FNBP1L: variants seen among roughly 807,000 people sequenced by gnomAD.
The protein encoded by FNBP1L is formin-binding protein 1-like.
A neutral mutation model predicts 91.2 loss-of-function variants in FNBP1L; 36 were observed. That is an observed-to-expected ratio of 0.39 (90% CI 0.30 to 0.52). The LOEUF (loss-of-function observed/expected upper bound fraction) is 0.52. Ranked by LOEUF, FNBP1L falls within the 20% of genes least tolerant of loss-of-function variation. The pLI is 0.66. For synonymous variants in FNBP1L, 242 were observed against 237.0 expected, an observed-to-expected ratio of 1.02 and a Z score of -0.19; for missense variants, 571 against 732.1, an observed-to-expected ratio of 0.78 and a Z score of 2.54.
chr1:93,512,424 A>C (rs1440208957), intron 2 of FNBP1L, among the ~76,000 whole-genome samples: 1 of 151,828 alleles, frequency 6.6e-6, no homozygotes, highest in Non-Finnish European at 1.5e-5. Flanking sequence ...AAGCGGACCT[A>C]ATAGACATCT....
At chr1:93,535,272 T>C (rs1240093064) in intron 9 of FNBP1L, among the ~76,000 whole-genome samples, 1 of 152,170 alleles carries the variant, frequency 6.6e-6, no homozygotes. Flanking sequence ...ACAGCCATAA[T>C]ACATGTCAAG....
intron 2 of FNBP1L, among the ~76,000 whole-genome samples, chr1:93,504,443 A>G (rs1275134861): frequency 6.6e-6 from 1 of 152,222 alleles, no homozygotes; most frequent in African/African-American, 2.4e-5. Context: ...ATGTGGAACT[A>G]TAATTCCAAT....
intron 1 of FNBP1L, among the ~76,000 whole-genome samples, chr1:93,468,272 A>G (rs1047890523): frequency 6.6e-6 from 1 of 152,080 alleles, no homozygotes; most frequent in East Asian, 1.9e-4. Context: ...ATACTGTAAC[A>G]TGCATTACTT....
intron 2 of FNBP1L, among the ~76,000 whole-genome samples, chr1:93,511,826 C>T (rs1435194865): frequency 2.0e-5 from 3 of 151,310 alleles, no homozygotes; most frequent in Admixed American, 6.6e-5. Context: ...ATTAGCCGGG[C>T]GTAGTGGCGG....
intron 2 of FNBP1L, among the ~76,000 whole-genome samples, chr1:93,515,421 A>C (rs1368115422): frequency 6.6e-6 from 1 of 152,030 alleles, no homozygotes; most frequent in Admixed American, 6.6e-5. Context: ...CTGGGTATAT[A>C]CCCAAAGGAC....
chr1:93,541,723 CTT>C (rs1011806071), intron 11 of FNBP1L, among the ~76,000 whole-genome samples: 1 of 152,060 alleles, frequency 6.6e-6, no homozygotes, highest in Non-Finnish European at 1.5e-5. Context: ...ATAGACCACT[CTT>C]TTTTACATTG....
At chr1:93,477,450 G>T (rs1468938447) in intron 1 of FNBP1L, among the ~76,000 whole-genome samples, 1 of 152,202 alleles carries the variant, frequency 6.6e-6, no homozygotes, top group African/African-American at 2.4e-5. Context: ...TAAGGTTTTT[G>T]TCTTAAATAG....
chr1:93,538,617 AT>A (rs1350041155), intron 10 of FNBP1L, among the ~76,000 whole-genome samples: 3 of 151,806 alleles, frequency 2.0e-5, no homozygotes, highest in Non-Finnish European at 2.9e-5. Flanking sequence ...ACCTATAGAG[AT>A]TTTTTTTCCA....
chr1:93,494,905 T>C (rs1670212957), intron 1 of FNBP1L, among the ~76,000 whole-genome samples: 1 of 152,170 alleles, frequency 6.6e-6, no homozygotes, highest in African/African-American at 2.4e-5. Context: ...CTCCCCTTTA[T>C]AAAACCATCA....
intron 2 of FNBP1L, among the ~76,000 whole-genome samples, chr1:93,512,980 A>C (rs1267947896): frequency 6.6e-6 from 1 of 152,202 alleles, no homozygotes. Context: ...TAATGAATCC[A>C]GGAGCTGGTT....
chr1:93,524,113 G>T, intron 4 of FNBP1L, 148 bp from the exon 5 acceptor site: 4 of 514,910 alleles, frequency 7.8e-6, no homozygotes, highest in South Asian at 5.9e-5. Flanking sequence ...CCTAAGTCTT[G>T]GTAAAGTTAT....
chr1:93,499,420 G>T (rs1302289331), intron 1 of FNBP1L, 48 bp from the exon 2 acceptor site: 1 of 1,195,154 alleles, frequency 8.4e-7, no homozygotes, highest in Non-Finnish European at 1.2e-6. Context: ...AATATCTGTG[G>T]ATAAAATTTT....
intron 1 of FNBP1L, among the ~76,000 whole-genome samples, chr1:93,450,672 C>T (rs1399207065): frequency 1.3e-5 from 2 of 152,198 alleles, no homozygotes; most frequent in Non-Finnish European, 2.9e-5. Flanking sequence ...GGGAAATTCT[C>T]TCGAAATTTT....
At chr1:93,530,392 C>G (rs191505775) in intron 6 of FNBP1L, among the ~76,000 whole-genome samples, 2 of 152,074 alleles carry the variant, frequency 1.3e-5, no homozygotes, top group Admixed American at 1.3e-4. Context: ...CTGTTTTTCT[C>G]TTCTGATTAA....
chr1:93,516,262 A>G (rs1671107708), intron 2 of FNBP1L, among the ~76,000 whole-genome samples: 1 of 152,154 alleles, frequency 6.6e-6, no homozygotes, highest in South Asian at 2.1e-4. Flanking sequence ...AATGGAAGTG[A>G]GAAAACATCC....
intron 2 of FNBP1L, among the ~76,000 whole-genome samples, chr1:93,501,158 TTTTTCCAA>T (rs2101726586): frequency 6.6e-6 from 1 of 152,246 alleles, no homozygotes; most frequent in African/African-American, 2.4e-5. Context: ...AAATTCTCAG[TTTTTCCAA>T]TAGAAATGAG....
intron 10 of FNBP1L, among the ~76,000 whole-genome samples, chr1:93,539,550 T>C (rs546512181): frequency 1.3e-5 from 2 of 152,230 alleles, no homozygotes; most frequent in South Asian, 2.1e-4. Flanking sequence ...ATTATCTTAA[T>C]GTTTTCTCTA....
chr1:93,486,071 G>C (rs1028142825), intron 1 of FNBP1L, among the ~76,000 whole-genome samples: 1 of 152,168 alleles, frequency 6.6e-6, no homozygotes, highest in African/African-American at 2.4e-5. Flanking sequence ...ATGTGGAACA[G>C]GAAGCTCAGA....
Position 93,552,626 on chromosome 1 carries a change from A to G in FNBP1L, c.*210A>G. On this transcript the variant is annotated 3_prime_UTR_variant, in exon 17 of 17. Coordinates refer to ENST00000271234, the MANE Select transcript of FNBP1L (RefSeq NM_001164473.3). ...ATACCAACCCTTAAGTTCCTAGTTC[A>G]CAGTTATTCCCACAAAAGAAAAAGC... The G allele has an allele frequency of 2.3e-6, 1 of 443,090 alleles. No individual in the cohort carries two copies. The allele number at this position is 443,090 out of a possible 1,614,324, so 27.4% of individuals were successfully genotyped here.
Sources: gnomAD v4.1 joint callset for allele counts (sites outside exome capture counted in the v4.1 genomes callset) on GRCh38, gnomAD v4.1.1 for gene constraint, MANE v1.5 for transcripts, NCBI Gene and HGNC (gene_info 2026-07-23, HGNC 2026-07-21) for gene names.